Variants in NPR2 observed in about 807,000 individuals in gnomAD.
NPR2 encodes natriuretic peptide receptor 2.
Under a neutral mutation model 120.7 loss-of-function variants are expected in NPR2, and 49 were observed. That is an observed-to-expected ratio of 0.41 (90% CI 0.32 to 0.52). The LOEUF is 0.52. NPR2 is among the 20% of genes least tolerant of loss of function. The pLI, the probability that NPR2 is intolerant of heterozygous loss-of-function variation, is 0.36. For synonymous variants in NPR2, 484 were observed against 519.8 expected, an observed-to-expected ratio of 0.93 and a Z score of 0.94; for missense variants, 931 against 1,362.9, an observed-to-expected ratio of 0.68 and a Z score of 4.99.
At position 35,808,494 on chromosome 9, in the gene NPR2, C is replaced by T. The variant is rs757155735; in HGVS notation, c.2713-15C>T. 6.2e-7 allele frequency: 1 copy of T among 1,613,162 alleles called. No homozygotes were observed. The highest frequency in any genetic ancestry group is 8.5e-7 in the Non-Finnish European group (1 of 1,179,418). On this transcript the variant is annotated splice_polypyrimidine_tract_variant and intron_variant, in intron 18 of 21. Coordinates refer to ENST00000342694, the MANE Select transcript of NPR2 (RefSeq NM_003995.4). This position sits in a 1 kb window ranked among gnomAD's most constrained non-coding sequence, Gnocchi z 4.0. ...ATATAAATAGAGGTGACCTTTTAAT[C>T]CCCCTCTCAATCAGGTGGAGACGAT... is the stretch of plus-strand genomic sequence containing the variant.
intron 8 of NPR2, 81 bp from the exon 9 acceptor site, chr9:35,801,845 C>G (rs562447440): frequency 1.2e-6 from 2 of 1,606,072 alleles, no homozygotes; most frequent in African/African-American, 1.3e-5. Flanking sequence ...AGCACATTGG[C>G]TTGTAATGAT....
Position 35,792,712 on chromosome 9 carries a change from G to A in NPR2, c.304G>A (p.Val102Met). The part of the protein sequence containing the change: ...DPDLLLGPGC[V>M]YPAASVARFA... ...CGACCTGCTGTTAGGTCCCGGTTGC[G>A]TGTACCCTGCTGCCTCTGTGGCCCG... is the stretch of plus-strand genomic sequence containing the variant. Residue 102 changes from valine to methionine, a missense_variant, in exon 1 of 22, where the codon GTG becomes ATG. This residue lies in a region of NPR2 where 681 missense variants were observed against 974.3 expected (regional missense o/e 0.70). Coordinates refer to ENST00000342694, the MANE Select transcript of NPR2 (RefSeq NM_003995.4). 6.2e-7 allele frequency: 1 copy of A among 1,614,130 alleles called. No homozygotes were observed. Among genetic ancestry groups the A allele is most frequent in the Non-Finnish European group, 8.5e-7 (1 of 1,180,038 alleles).
chr9:35,804,984 C>T lies in NPR2; in HGVS notation c.1888-527C>T, dbSNP rs908863648. Among the ~76,000 whole-genome samples, 3 of 143,842 alleles carry T rather than the reference C, an allele frequency of 2.1e-5. No individual in the cohort carries two copies. The South Asian group carries it at 7.0e-4, about 34-fold the overall frequency. The allele number at this position is 143,842 out of a possible 152,430, so 94.4% of individuals were successfully genotyped here. A position where few individuals can be genotyped will look rare whatever the true frequency, so the allele number is the denominator to read the frequency against. On this transcript the variant is annotated intron_variant, in intron 12 of 21. Transcript: ENST00000342694. ...AGTAGATCTTGTTCCTCCTCTACCC[C>T]GACCTGCCCACCTCCCTCTAGTAGA...
At position 35,806,325 on chromosome 9, in the gene NPR2, G is replaced by C; in HGVS notation, c.2373-67G>C. ...TGGGGCAGGTGGGACCAGAGGGTGG[G>C]TTGGATAGGAAGTCCTGGGAATCTT... On this transcript the variant is annotated intron_variant, in intron 15 of 21. Coordinates refer to ENST00000342694, the MANE Select transcript of NPR2 (RefSeq NM_003995.4). The surrounding 1 kb of genome is among the most constrained non-coding windows in gnomAD (Gnocchi z 4.6). 1.2e-6 allele frequency: 2 copies of C among 1,609,772 alleles called. No individual in the cohort carries two copies. The highest frequency in any genetic ancestry group is 2.2e-5 in the East Asian group (1 of 44,854).
intron 1 of NPR2, 46 bp downstream of exon 1, chr9:35,793,121 T>A (rs752731917): frequency 2.0e-6 from 3 of 1,532,434 alleles, no homozygotes; most frequent in Non-Finnish European, 1.8e-6. Context: ...GGAGGGTCGC[T>A]GTGTCCCTAA....
rs1471313202 is a variant in NPR2 at position 35,800,557 on chromosome 9, AC to A, written c.1218+76del. 6.4e-7 allele frequency: 1 copy of A among 1,567,526 alleles called. No individual in the cohort carries two copies. Among genetic ancestry groups the A allele is most frequent in the Non-Finnish European group, 8.8e-7 (1 of 1,138,680 alleles). On this transcript the variant is annotated intron_variant, in intron 5 of 21. Coordinates refer to ENST00000342694, the MANE Select transcript of NPR2 (RefSeq NM_003995.4). This position sits in a 1 kb window ranked among gnomAD's most constrained non-coding sequence, Gnocchi z 4.7. ...CTTTCAAGGGTTCAGTCGGGGCAGA[AC>A]CAAAACTACTAGATGAGGGATTTGT...
chr9:35,799,920 A>G, intron 3 of NPR2, 102 bp from the exon 4 acceptor site: 15 of 1,566,352 alleles, frequency 9.6e-6, no homozygotes, highest in Non-Finnish European at 1.3e-5. Context: ...AAGAGGGAAG[A>G]AAGCAAACCA....
At position 35,799,723 on chromosome 9, in the gene NPR2, C is replaced by T. The variant is rs1828072511; in HGVS notation, c.979C>T (p.Pro327Ser). 2 of 1,612,478 alleles carry T rather than the reference C, an allele frequency of 1.2e-6. No individual in the cohort carries two copies. The highest frequency in any genetic ancestry group is 1.3e-5 in the African/African-American group (1 of 74,928). ...AREDFGVELG[P>S]SLMNLIAGCF... ...GGAAGACTTTGGTGTGGAGCTGGGC[C>T]CTTCCCTGGTAAGTAGATCTCTCCC... The change falls in exon 3 of 22, where the codon CCT becomes TCT. Residue 327 changes from proline to serine, a missense_variant. Transcript: ENST00000342694.
Position 35,801,165 on chromosome 9 carries a change from G to T in NPR2, c.1436+11G>T. 3.1e-6 allele frequency: 5 copies of T among 1,605,972 alleles called. No homozygotes were observed. Among genetic ancestry groups the T allele is most frequent in the Non-Finnish European group, 3.4e-6 (4 of 1,172,578 alleles). ...CTTCCTAATTTTCCGGTGAGTTCTG[G>T]GTTTCTTGCTGACCTACTCCCTGCC... is the stretch of plus-strand genomic sequence containing the variant. On this transcript the variant is annotated intron_variant, in intron 7 of 21. Coordinates refer to ENST00000342694, the MANE Select transcript of NPR2 (RefSeq NM_003995.4).
Position 35,800,680 on chromosome 9 carries a change from T to C in NPR2, c.1219-29T>C. On this transcript the variant is annotated intron_variant, in intron 5 of 21. Transcript: ENST00000342694. The surrounding 1 kb of genome is among the most constrained non-coding windows in gnomAD (Gnocchi z 4.7). ...GGGAGGAGGCTGGTGGGAGCAGGCC[T>C]GTGGGCCCAGCTTTTTGCTTCCTTA... 1 of 1,614,052 alleles carries C rather than the reference T, an allele frequency of 6.2e-7. No individual in the cohort carries two copies. The highest frequency in any genetic ancestry group is 8.5e-7 in the Non-Finnish European group (1 of 1,179,990).
In NPR2 at chr9:35,800,656, G is replaced by A; in HGVS notation, c.1219-53G>A. 1 of 1,613,774 alleles carries A rather than the reference G, an allele frequency of 6.2e-7. No individual in the cohort carries two copies. Among genetic ancestry groups the A allele is most frequent in the East Asian group, 2.2e-5 (1 of 44,886 alleles). ...AAGCAGCGAAACAGCTGGGGTCTGGGGAGGAGGCTGGTGGGAGCAGGCCTG... is the reference window on the plus strand; with the variant it reads ...AAGCAGCGAAACAGCTGGGGTCTGGAGAGGAGGCTGGTGGGAGCAGGCCTG... On this transcript the variant is annotated intron_variant, in intron 5 of 21. Transcript: ENST00000342694. The surrounding 1 kb of genome is among the most constrained non-coding windows in gnomAD (Gnocchi z 4.7).
rs1828635483 is a variant in NPR2, at chr9:35,809,395, C to T, written c.3094C>T (p.Arg1032Ter). 4 of 1,614,132 alleles carry T rather than the reference C, an allele frequency of 2.5e-6. No individual in the cohort carries two copies. The highest frequency in any genetic ancestry group is 3.4e-6 in the Non-Finnish European group (4 of 1,180,022). Residue 1032 changes from arginine to a stop codon, truncating the protein, a stop_gained, in exon 22 of 22, where the codon CGA becomes TGA. Coordinates refer to ENST00000342694, the MANE Select transcript of NPR2 (RefSeq NM_003995.4). LOFTEE classifies it high-confidence loss of function. The surrounding 1 kb of genome is among the most constrained non-coding windows in gnomAD (Gnocchi z 4.1). ...DVEMKGKGKMRTYWLLGERKG... is the reference protein window; with the variant it reads ...DVEMKGKGKM Reference sequence around the variant, plus strand: ...CCACTTCCAGGGAAAAGGAAAGATGCGAACATACTGGCTCTTAGGAGAGCG... The same window carrying T: ...CCACTTCCAGGGAAAAGGAAAGATGTGAACATACTGGCTCTTAGGAGAGCG...
chr9:35,803,108 A>ATTTTTTTTTTT, intron 12 of NPR2, among the ~76,000 whole-genome samples: 1 of 135,310 alleles, frequency 7.4e-6, no homozygotes, highest in African/African-American at 3.0e-5. Flanking sequence ...CTCTGAACAT[A>ATTTTTTTTTTT]TTTTTTTTTT....
chr9:35,806,247 A>G lies in NPR2; in HGVS notation c.2372+14A>G. The G allele has an allele frequency of 1.2e-6, 2 of 1,614,056 alleles. No homozygotes were observed. Among genetic ancestry groups the G allele is most frequent in the Non-Finnish European group, 1.7e-6 (2 of 1,180,006 alleles). On this transcript the variant is annotated intron_variant, in intron 15 of 21. Transcript: ENST00000342694. This position sits in a 1 kb window ranked among gnomAD's most constrained non-coding sequence, Gnocchi z 4.6. The stretch of plus-strand genomic sequence containing the variant: ...GCGCTTTAACAAGTGAGAGGGCATT[A>G]TGGGGCAGGGGCTTCCCAGGGATAG...
chr9:35,802,877 C>T lies in NPR2; in HGVS notation c.1887+74C>T. The T allele has an allele frequency of 5.9e-6, 6 of 1,009,882 alleles. No homozygotes were observed. Among genetic ancestry groups the T allele is most frequent in the Admixed American group, 1.7e-5 (1 of 59,168 alleles). 62.6% of individuals were successfully genotyped at this position (1,009,882 alleles called of 1,614,324 possible). On this transcript the variant is annotated intron_variant, in intron 12 of 21. Coordinates refer to ENST00000342694, the MANE Select transcript of NPR2 (RefSeq NM_003995.4). The surrounding 1 kb of genome is among the most constrained non-coding windows in gnomAD (Gnocchi z 4.2). ...ACTGTTCTTTGATTGTGGTTTTTCTCCTTCTAGTCCTCTGAAGTCCTGTTC... is the reference window on the plus strand; with the variant it reads ...ACTGTTCTTTGATTGTGGTTTTTCTTCTTCTAGTCCTCTGAAGTCCTGTTC...
Position 35,808,250 on chromosome 9 carries a change from T to G in NPR2, c.2713-259T>G, listed in dbSNP as rs754577005. The G allele has an allele frequency of 6.2e-7, 1 of 1,614,254 alleles. No individual in the cohort carries two copies. The highest frequency in any genetic ancestry group is 2.2e-5 in the East Asian group (1 of 44,892). On this transcript the variant is annotated intron_variant, in intron 18 of 21. Coordinates refer to ENST00000342694, the MANE Select transcript of NPR2 (RefSeq NM_003995.4). This position sits in a 1 kb window ranked among gnomAD's most constrained non-coding sequence, Gnocchi z 4.0. ...TGGCAGAGCCTATTTGTCCATGTCC[T>G]GCTGCAGACAGGGTGTTCATTCATT...
In NPR2 at chr9:35,792,257, C is replaced by T. The variant is rs1201955984; in HGVS notation, c.-152C>T. The T allele has an allele frequency of 2.6e-6, 2 of 766,936 alleles. No individual in the cohort carries two copies. The highest frequency in any genetic ancestry group is 4.1e-6 in the Non-Finnish European group (2 of 489,444). The allele number at this position is 766,936 out of a possible 1,614,324, so 47.5% of individuals were successfully genotyped here. On this transcript the variant is annotated 5_prime_UTR_variant, in exon 1 of 22. Transcript: ENST00000342694. ...TCCCATCTCCCCCTCCTCTCCCCGG[C>T]CCCCAGCACCTTCTGCATCCCAGCC...
intron 2 of NPR2, among the ~76,000 whole-genome samples, chr9:35,796,156 C>G (rs1304069600): frequency 3.9e-5 from 6 of 152,180 alleles, no homozygotes; most frequent in Non-Finnish European, 7.3e-5. Context: ...ATCTGTGACC[C>G]TCTCAGATGG....
chr9:35,805,611 ATGGCC>A lies in NPR2; in HGVS notation c.1994_1998del (p.Leu665GlnfsTer7). On this transcript the variant is annotated frameshift_variant, in exon 13 of 22. Transcript: ENST00000342694. LOFTEE classifies it high-confidence loss of function. This position sits in a 1 kb window ranked among gnomAD's most constrained non-coding sequence, Gnocchi z 4.9. ...CGTTTTGTGCTCAAAATCACAGACT[ATGGCC>A]TGGCCAGCTTCCGATCAACTGCTGA... 6.2e-7 allele frequency: 1 copy of A among 1,614,206 alleles called. No individual in the cohort carries two copies. The highest frequency in any genetic ancestry group is 1.3e-5 in the African/African-American group (1 of 75,056).
Sources: gnomAD v4.1 joint callset for allele counts (sites outside exome capture counted in the v4.1 genomes callset) on GRCh38, gnomAD v4.1.1 for gene constraint, gnomAD v4.1.1 regional missense constraint, Gnocchi (gnomAD v3.1) non-coding constraint, MANE v1.5 for transcripts, NCBI Gene and HGNC (gene_info 2026-07-23, HGNC 2026-07-21) for gene names.